Variants in OPALIN observed in about 807,000 individuals in gnomAD.
The protein encoded by OPALIN is transmembrane protein 10.
OPALIN carries 15 observed loss-of-function variants against 17.8 expected under a neutral mutation model. That is an observed-to-expected ratio of 0.84 (90% CI 0.56 to 1.29). OPALIN has a LOEUF of 1.29. Ranked by LOEUF, OPALIN falls within the 50% of genes most tolerant of loss-of-function variation. The probability of loss-of-function intolerance (pLI) is 0.00; values close to 1 mark genes in which losing one functional copy is unlikely to be tolerated. For missense variants in OPALIN, 170 were observed against 176.0 expected, an observed-to-expected ratio of 0.97 and a Z score of 0.19; for synonymous variants, 62 against 63.8, an observed-to-expected ratio of 0.97 and a Z score of 0.14.
intron 5 of OPALIN, among the ~76,000 whole-genome samples, chr10:96,347,338 C>T (rs1433122339): frequency 6.6e-6 from 1 of 152,104 alleles, no homozygotes; most frequent in Admixed American, 6.5e-5. Flanking sequence ...AGGTGATCCA[C>T]CTGCCTTGGC....
intron 2 of OPALIN, chr10:96,353,448 A>C (rs759148329): frequency 6.2e-7 from 1 of 1,612,796 alleles, no homozygotes; most frequent in African/African-American, 1.3e-5. Context: ...ATGACCTACC[A>C]TCCGCATTGT....
Position 96,357,294 on chromosome 10 carries a change from T to G in OPALIN, c.3+1600A>C, listed in dbSNP as rs888791762. On this transcript the variant is annotated intron_variant, in intron 1 of 5. Transcript: ENST00000371172. ...CAAGTGGGCCATTGCATGTGTTGTT[T>G]ATCAACATTCGGATGACGGAGATTT... 4.1e-5 allele frequency: 12 copies of G among 295,398 alleles called. No homozygotes were observed. In the Admixed American group the frequency reaches 5.2e-4, roughly 13 times the overall value. 18.3% of individuals were successfully genotyped at this position (295,398 alleles called of 1,614,324 possible). A position where few individuals can be genotyped will look rare whatever the true frequency, so the allele number is the denominator to read the frequency against.
At chr10:96,355,993 C>A (rs568311076) in intron 1 of OPALIN, among the ~76,000 whole-genome samples, 8 of 152,360 alleles carry the variant, frequency 5.3e-5, no homozygotes, top group Admixed American at 4.6e-4. Context: ...TCCTCCCTGT[C>A]CCTAGCCCCT....
At chr10:96,347,742 G>A (rs144325707) in intron 5 of OPALIN, among the ~76,000 whole-genome samples, 2,627 of 151,106 alleles carry the variant, frequency 0.017, 81 homozygotes, top group African/African-American at 0.061. Context: ...CAAAATGCTG[G>A]GATTACAGGC....
intron 5 of OPALIN, among the ~76,000 whole-genome samples, chr10:96,347,101 C>CT (rs1201792003): frequency 2.3e-5 from 3 of 129,702 alleles, no homozygotes; most frequent in East Asian, 2.2e-4. Context: ...TTTTTTTTTT[C>CT]TTTTTTTAAG....
At chr10:96,355,148 T>A (rs1422194961) in intron 2 of OPALIN, 107 bp downstream of exon 2, 2 of 415,984 alleles carry the variant, frequency 4.8e-6, no homozygotes, top group Non-Finnish European at 9.5e-6. Flanking sequence ...AAAGTCTGTG[T>A]AACTTATCAC....
At chr10:96,354,917 A>G (rs998502312) in intron 2 of OPALIN, among the ~76,000 whole-genome samples, 1 of 150,094 alleles carries the variant, frequency 6.7e-6, no homozygotes, top group African/African-American at 2.5e-5. Context: ...CCAACATGGC[A>G]AAACCCTGTC....
Position 96,345,714 on chromosome 10 carries a change from C to A in OPALIN, c.*227G>T. 2.3e-6 allele frequency: 1 copy of A among 427,364 alleles called. No individual in the cohort carries two copies. Among genetic ancestry groups the A allele is most frequent in the East Asian group, 3.5e-5 (1 of 28,834 alleles). 26.5% of individuals were successfully genotyped at this position (427,364 alleles called of 1,614,324 possible). On this transcript the variant is annotated 3_prime_UTR_variant, in exon 6 of 6. Transcript: ENST00000371172. ...GAGCAGGAATAGGATCTAAGGACCC[C>A]ATCTGGTGAGTCACATGTACTAACT...
At chr10:96,353,824 T>G (rs1391087008) in intron 2 of OPALIN, among the ~76,000 whole-genome samples, 1 of 152,164 alleles carries the variant, frequency 6.6e-6, no homozygotes, top group Non-Finnish European at 1.5e-5. Flanking sequence ...GGAATTTGCC[T>G]GAAACCAACA....
intron 5 of OPALIN, among the ~76,000 whole-genome samples, chr10:96,347,677 T>C (rs781514517): frequency 2.6e-5 from 4 of 151,976 alleles, no homozygotes; most frequent in Non-Finnish European, 4.4e-5. Context: ...TTCACCATGT[T>C]GGCCAGGCTG....
Position 96,345,859 on chromosome 10 carries a change from G to T in OPALIN, c.*82C>A. ...TTTGGATTGATTAAGAAGCAGCTTG[G>T]CATCTTTCCTCTCCAAGTACAAAAC... On this transcript the variant is annotated 3_prime_UTR_variant, in exon 6 of 6. Coordinates refer to ENST00000371172, the MANE Select transcript of OPALIN (RefSeq NM_033207.5). 1 of 1,353,592 alleles carries T rather than the reference G, an allele frequency of 7.4e-7. No individual in the cohort carries two copies. The highest frequency in any genetic ancestry group is 1.3e-5 in the South Asian group (1 of 75,464). The allele number at this position is 1,353,592 out of a possible 1,614,324, so 83.8% of individuals were successfully genotyped here. A position where few individuals can be genotyped will look rare whatever the true frequency, so the allele number is the denominator to read the frequency against.
chr10:96,356,756 C>T (rs1200259833), intron 1 of OPALIN, among the ~76,000 whole-genome samples: 3 of 152,362 alleles, frequency 2.0e-5, no homozygotes, highest in South Asian at 2.1e-4. Context: ...CTTCAATCAA[C>T]GTGGCCCTGC....
rs1376401149 is a variant in OPALIN at position 96,344,699 on chromosome 10, T to C, written c.*1242A>G. On this transcript the variant is annotated 3_prime_UTR_variant, in exon 6 of 6. Transcript: ENST00000371172. ...TGCTATGCGTGGGCTTAAGGGCTCT[T>C]GTTTAATCTGAAGCCTTTAAAAAAT... 6.6e-6 allele frequency: 1 copy of C among 152,174 alleles called. No individual in the cohort carries two copies. The highest frequency in any genetic ancestry group is 2.4e-5 in the African/African-American group (1 of 41,438). 9.4% of individuals were successfully genotyped at this position (152,174 alleles called of 1,614,324 possible).
In OPALIN at chr10:96,349,961, T is replaced by A. The variant is rs1348316194; in HGVS notation, c.73-135A>T. ...GTCATATACAAAATCAAAAGGGTAA[T>A]GAAATACTGTGCAAAAATGTTTGTA... On this transcript the variant is annotated intron_variant, in intron 3 of 5. Transcript: ENST00000371172. 4 of 921,614 alleles carry A rather than the reference T, an allele frequency of 4.3e-6. No individual in the cohort carries two copies. In the South Asian group the frequency reaches 8.0e-5, roughly 19 times the overall value. The allele number at this position is 921,614 out of a possible 1,614,324, so 57.1% of individuals were successfully genotyped here.
chr10:96,352,208 T>C (rs979309892), intron 2 of OPALIN, among the ~76,000 whole-genome samples: 1 of 152,190 alleles, frequency 6.6e-6, no homozygotes, highest in Non-Finnish European at 1.5e-5. Context: ...AGCAGAACTA[T>C]GAACTCTTGT....
intron 2 of OPALIN, among the ~76,000 whole-genome samples, chr10:96,352,663 A>G (rs1017274003): frequency 4.0e-5 from 6 of 149,142 alleles, no homozygotes; most frequent in African/African-American, 1.5e-4. Flanking sequence ...ACAGAAATAC[A>G]CTTAGGGTGG....
At chr10:96,353,086 GAAGT>G (rs1159121759) in intron 2 of OPALIN, among the ~76,000 whole-genome samples, 2 of 152,228 alleles carry the variant, frequency 1.3e-5, no homozygotes, top group Non-Finnish European at 2.9e-5. Context: ...ACAGAGAAGT[GAAGT>G]AACTTGTGTA....
rs116358886 is a variant in OPALIN at position 96,348,761 on chromosome 10, A to G, written c.193-416T>C. The stretch of plus-strand genomic sequence containing the variant: ...GGTGATTGGAAATTTTGAGCTTCCT[A>G]AATAATTTTAAAGTGCACTGGAGGT... On this transcript the variant is annotated intron_variant, in intron 4 of 5. Transcript: ENST00000371172. 6.9e-3 allele frequency among the ~76,000 whole-genome samples: 1,050 copies of G among 152,346 alleles called. 17 individuals carry two copies. Among genetic ancestry groups the G allele is most frequent in the African/African-American group, 0.023 (969 of 41,584 alleles).
chr10:96,353,870 G>A (rs2134027329), intron 2 of OPALIN, among the ~76,000 whole-genome samples: 1 of 152,308 alleles, frequency 6.6e-6, no homozygotes, highest in South Asian at 2.1e-4. Flanking sequence ...AGCAAGTTGG[G>A]GAGGTTCAGA....
Sources: gnomAD v4.1 joint callset for allele counts (sites outside exome capture counted in the v4.1 genomes callset) on GRCh38, gnomAD v4.1.1 for gene constraint, MANE v1.5 for transcripts, NCBI Gene and HGNC (gene_info 2026-07-23, HGNC 2026-07-21) for gene names.